The following GPC6 variants were observed in gnomAD, a reference collection of about 807,000 sequenced individuals.
GPC6 encodes the protein glypican-6.
Under a neutral mutation model 55.2 loss-of-function variants are expected in GPC6, and 14 were observed. The ratio of observed to expected loss-of-function variants is 0.25; its 90% CI spans 0.17 to 0.40. GPC6 has a LOEUF of 0.40. Among genes scored for constraint, GPC6 ranks in the 10% least tolerant of loss-of-function variants. GPC6 has a pLI of 1.00. For synonymous variants in GPC6, 278 were observed against 259.6 expected (o/e 1.07, Z -0.68); for missense variants, 641 against 708.5 (o/e 0.90, Z 1.08).
At chr13:93,569,659 A>G (rs1876302711) in intron 2 of GPC6, among the ~76,000 whole-genome samples, 1 of 152,104 alleles carries the variant, frequency 6.6e-6, no homozygotes, top group African/African-American at 2.4e-5. Flanking sequence ...TAACTTAGTT[A>G]TCTTAATAAC....
At chr13:94,056,469 C>CA (rs1362869440) in intron 4 of GPC6, among the ~76,000 whole-genome samples, 4 of 152,132 alleles carry the variant, frequency 2.6e-5, no homozygotes, top group Non-Finnish European at 5.9e-5. Context: ...AAAGCATGTT[C>CA]AGGAATGATC....
intron 1 of GPC6, among the ~76,000 whole-genome samples, chr13:93,243,083 G>T (rs752194863): frequency 2.0e-5 from 3 of 152,170 alleles, no homozygotes; most frequent in East Asian, 3.9e-4. Flanking sequence ...TCCCCAGATC[G>T]CAGCCCGCTC....
intron 3 of GPC6, among the ~76,000 whole-genome samples, chr13:93,896,014 T>G (rs538362419): frequency 5.3e-5 from 8 of 152,180 alleles, no homozygotes; most frequent in African/African-American, 1.7e-4. Context: ...TAACTTAGTG[T>G]ATATTTAAAA....
At chr13:93,565,308 T>C (rs1338317946) in intron 2 of GPC6, among the ~76,000 whole-genome samples, 2 of 152,116 alleles carry the variant, frequency 1.3e-5, no homozygotes, top group African/African-American at 4.8e-5. Context: ...CCCACTGCAA[T>C]TGGGGAAATG....
chr13:94,122,004 C>T (rs575261361), intron 4 of GPC6, among the ~76,000 whole-genome samples: 33 of 152,042 alleles, frequency 2.2e-4, no homozygotes, highest in Admixed American at 1.8e-3. Context: ...TTGGTGCTAC[C>T]GTTAAACAAT....
At chr13:94,092,826 G>A (rs1384526263) in intron 4 of GPC6, among the ~76,000 whole-genome samples, 1 of 152,140 alleles carries the variant, frequency 6.6e-6, no homozygotes, top group Admixed American at 6.6e-5. Flanking sequence ...ATTCTGGCAG[G>A]TATGAGGTGA....
chr13:94,380,393 CAAATA>C (rs1476989600), intron 6 of GPC6, among the ~76,000 whole-genome samples: 6 of 151,958 alleles, frequency 3.9e-5, no homozygotes, highest in African/African-American at 1.5e-4. Flanking sequence ...CTACGTAGAA[CAAATA>C]AAATGTGAGA....
At chr13:93,760,968 A>G (rs1488962744) in intron 2 of GPC6, among the ~76,000 whole-genome samples, 1 of 152,182 alleles carries the variant, frequency 6.6e-6, no homozygotes, top group Non-Finnish European at 1.5e-5. Context: ...ACAAAGTATG[A>G]TTTCTTTCAT....
At chr13:94,362,527 G>A (rs185591743) in intron 6 of GPC6, among the ~76,000 whole-genome samples, 2 of 152,134 alleles carry the variant, frequency 1.3e-5, no homozygotes, top group South Asian at 4.2e-4. Context: ...TTTTATTCTC[G>A]GGGATAAGAC....
Position 93,833,113 on chromosome 13 carries a change from G to T in GPC6, c.711+2568G>T, listed in dbSNP as rs1449993816. Reference sequence around the variant, plus strand: ...TGGGTAGATAGGTAGATGATAGAGAGAGAGAGAGAGAGAGAGAGAGAGAGA... The same window carrying T: ...TGGGTAGATAGGTAGATGATAGAGATAGAGAGAGAGAGAGAGAGAGAGAGA... On this transcript the variant is annotated intron_variant, in intron 3 of 8. Transcript: ENST00000377047. Among the ~76,000 whole-genome samples, 53 of 40,032 alleles carry T rather than the reference G, an allele frequency of 1.3e-3. No individual in the cohort carries two copies. In the African/African-American group the frequency reaches 0.016, roughly 12 times the overall value. The allele number at this position is 40,032 out of a possible 152,430, so 26.3% of individuals were successfully genotyped here. A position where few individuals can be genotyped will look rare whatever the true frequency, so the allele number is the denominator to read the frequency against.
intron 1 of GPC6, among the ~76,000 whole-genome samples, chr13:93,311,648 T>C (rs1195006683): frequency 1.3e-5 from 2 of 152,202 alleles, no homozygotes; most frequent in Non-Finnish European, 2.9e-5. Context: ...TGGAACTTCA[T>C]AGAAACCTAG....
At chr13:94,262,395 G>A (rs541557658) in intron 4 of GPC6, among the ~76,000 whole-genome samples, 2 of 152,040 alleles carry the variant, frequency 1.3e-5, no homozygotes, top group Non-Finnish European at 2.9e-5. Flanking sequence ...TCCAGGGGCC[G>A]GGTGCAGTGA....
At chr13:93,565,724 C>A (rs1335695990) in intron 2 of GPC6, among the ~76,000 whole-genome samples, 1 of 152,008 alleles carries the variant, frequency 6.6e-6, no homozygotes, top group Non-Finnish European at 1.5e-5. Context: ...GAGTTCAAGA[C>A]AAGCCTGACC....
rs576724352 is a variant in GPC6 at position 93,702,419 on chromosome 13, C to A, written c.320-127735C>A. 4.2e-4 allele frequency among the ~76,000 whole-genome samples: 64 copies of A among 152,032 alleles called. 1 individual carries two copies. Among genetic ancestry groups the A allele is most frequent in the African/African-American group, 1.4e-3 (60 of 41,518 alleles). ...TAGAACACAGACAGTGTAAAGTTAG[C>A]ATCATTCTTAAGGGCCCTAGGATTT... On this transcript the variant is annotated intron_variant, in intron 2 of 8. Transcript: ENST00000377047.
chr13:93,728,562 T>C (rs900817244), intron 2 of GPC6, among the ~76,000 whole-genome samples: 1 of 151,014 alleles, frequency 6.6e-6, no homozygotes, highest in Non-Finnish European at 1.5e-5. Flanking sequence ...TATGTTATCT[T>C]ATTTATTTAT....
At chr13:93,418,918 A>G (rs1273035199) in intron 1 of GPC6, among the ~76,000 whole-genome samples, 5 of 151,208 alleles carry the variant, frequency 3.3e-5, no homozygotes, top group African/African-American at 1.2e-4. Flanking sequence ...GTATTATTTT[A>G]TTAATAGCAC....
rs75061539 is a variant in GPC6, at chr13:93,740,318, C to G, written c.320-89836C>G. Among the ~76,000 whole-genome samples the G allele has an allele frequency of 8.4e-3, 1,277 of 152,206 alleles. 8 individuals carry two copies. Among genetic ancestry groups the G allele is most frequent in the Non-Finnish European group, 0.015 (1,016 of 68,006 alleles). ...ATTAGAGGACATAAAGGAGTAATCA[C>G]CTAAAGTAAACATGTAGCTGGAACT... On this transcript the variant is annotated intron_variant, in intron 2 of 8. Coordinates refer to ENST00000377047, the MANE Select transcript of GPC6 (RefSeq NM_005708.5).
intron 4 of GPC6, among the ~76,000 whole-genome samples, chr13:94,122,137 T>TA (rs986481273): frequency 4.0e-5 from 6 of 151,828 alleles, no homozygotes; most frequent in Non-Finnish European, 5.9e-5. Flanking sequence ...TATATATAAA[T>TA]AAAAAAAAGT....
chr13:93,229,147 C>T (rs147186877), intron 1 of GPC6, among the ~76,000 whole-genome samples: 2 of 152,254 alleles, frequency 1.3e-5, no homozygotes, highest in Non-Finnish European at 2.9e-5. Context: ...GAATAGAGAG[C>T]GACTGTCCCC....
Sources: gnomAD v4.1 joint callset for allele counts (sites outside exome capture counted in the v4.1 genomes callset) on GRCh38, gnomAD v4.1.1 for gene constraint, MANE v1.5 for transcripts, NCBI Gene and HGNC (gene_info 2026-07-23, HGNC 2026-07-21) for gene names.